CPXM2: variants seen among roughly 807,000 people sequenced by gnomAD.
CPXM2 encodes inactive carboxypeptidase-like protein X2.
CPXM2 carries 66 observed loss-of-function variants against 86.1 expected under a neutral mutation model. That is an observed-to-expected ratio of 0.77 (90% CI 0.63 to 0.94). The LOEUF is 0.94. Among genes scored for constraint, CPXM2 ranks in the 40% least tolerant of loss-of-function variants. CPXM2 has a pLI of 0.00. For synonymous variants in CPXM2, 388 were observed against 400.2 expected, an observed-to-expected ratio of 0.97 and a Z score of 0.36; for missense variants, 948 against 1,026.3, an observed-to-expected ratio of 0.92 and a Z score of 1.04.
chr10:123,907,702 T>C (rs1220169591), intron 2 of CPXM2, among the ~76,000 whole-genome samples: 6 of 151,386 alleles, frequency 4.0e-5, no homozygotes, highest in Admixed American at 3.9e-4. Context: ...CTCCCACAAG[T>C]TCATTCATGT....
chr10:123,923,376 C>T (rs563511686), intron 2 of CPXM2, among the ~76,000 whole-genome samples: 27 of 150,250 alleles, frequency 1.8e-4, no homozygotes, highest in Non-Finnish European at 3.0e-4. Flanking sequence ...GTCAGGAGAT[C>T]GAGACCATCC....
At chr10:123,782,979 AT>A (rs2134033460) in intron 6 of CPXM2, among the ~76,000 whole-genome samples, 1 of 152,350 alleles carries the variant, frequency 6.6e-6, no homozygotes, top group South Asian at 2.1e-4. Flanking sequence ...CTCAGTGCTC[AT>A]TATACACTAA....
At chr10:123,906,114 C>G (rs1399940737) in intron 2 of CPXM2, among the ~76,000 whole-genome samples, 4 of 152,332 alleles carry the variant, frequency 2.6e-5, no homozygotes, top group African/African-American at 9.6e-5. Flanking sequence ...AAGCCTCCCC[C>G]TGTCTGCTCC....
At chr10:123,788,820 T>C (rs1006261309) in intron 6 of CPXM2, among the ~76,000 whole-genome samples, 3 of 147,730 alleles carry the variant, frequency 2.0e-5, no homozygotes, top group Non-Finnish European at 4.4e-5. Flanking sequence ...GCACTAACTA[T>C]CGCCAAAGCG....
chr10:123,789,889 CAG>C (rs1847166589), intron 6 of CPXM2, among the ~76,000 whole-genome samples: 3 of 152,072 alleles, frequency 2.0e-5, no homozygotes, highest in Non-Finnish European at 1.5e-5. Flanking sequence ...GAGGCCGAGG[CAG>C]GCGGATCACG....
At chr10:123,930,086 A>C (rs1242547771) in intron 2 of CPXM2, among the ~76,000 whole-genome samples, 1 of 152,194 alleles carries the variant, frequency 6.6e-6, no homozygotes, top group African/African-American at 2.4e-5. Context: ...CGCAGCCACC[A>C]GCCTGGTCCT....
intron 4 of CPXM2, among the ~76,000 whole-genome samples, chr10:123,828,804 T>C (rs1714708750): frequency 6.6e-6 from 1 of 152,230 alleles, no homozygotes; most frequent in African/African-American, 2.4e-5. Flanking sequence ...GATCTAGGGC[T>C]TGATAAAAGA....
At chr10:123,802,803 C>G (rs1316778488) in intron 4 of CPXM2, among the ~76,000 whole-genome samples, 3 of 152,128 alleles carry the variant, frequency 2.0e-5, no homozygotes, top group African/African-American at 7.2e-5. Flanking sequence ...ATTCCATGCT[C>G]TTATTGACAC....
chr10:123,814,050 G>A (rs1847753173), intron 4 of CPXM2, among the ~76,000 whole-genome samples: 1 of 152,296 alleles, frequency 6.6e-6, no homozygotes, highest in African/African-American at 2.4e-5. Context: ...ATTCTTTTCT[G>A]GGATTTTGGA....
upstream of CPXM2, among the ~76,000 whole-genome samples, chr10:123,896,366 G>A (rs1305338514): frequency 1.3e-5 from 2 of 152,190 alleles, no homozygotes; most frequent in South Asian, 2.1e-4. Flanking sequence ...GAGATACTAA[G>A]TTGTTATGGC....
At chr10:123,934,850 T>C (rs1198122598) in intron 2 of CPXM2, among the ~76,000 whole-genome samples, 5 of 152,140 alleles carry the variant, frequency 3.3e-5, no homozygotes, top group Admixed American at 6.5e-5. Flanking sequence ...TCCCACTAGC[T>C]GTGTTGGATG....
chr10:123,794,592 T>C (rs959502576), intron 6 of CPXM2, among the ~76,000 whole-genome samples: 1 of 152,230 alleles, frequency 6.6e-6, no homozygotes, highest in Admixed American at 6.5e-5. Context: ...TAAAATTTTA[T>C]CTTCAGAAAT....
chr10:123,875,085 G>A (rs1018561997), intron 2 of CPXM2, among the ~76,000 whole-genome samples: 1 of 152,180 alleles, frequency 6.6e-6, no homozygotes, highest in Non-Finnish European at 1.5e-5. Context: ...CATGTCTACT[G>A]TAGGCTACAG....
chr10:123,771,612 T>C (rs1846633343), intron 7 of CPXM2, among the ~76,000 whole-genome samples: 2 of 152,214 alleles, frequency 1.3e-5, no homozygotes, highest in African/African-American at 4.8e-5. Flanking sequence ...ATTTATAAGC[T>C]ACTCAGGTTA....
chr10:123,747,079 C>G, intron 13 of CPXM2, 62 bp from the exon 14 acceptor site: 1 of 1,572,318 alleles, frequency 6.4e-7, no homozygotes, highest in Non-Finnish European at 8.6e-7. Flanking sequence ...TCCCGCCAGC[C>G]CTCCTCCAAG....
At chr10:123,750,330 C>T in intron 13 of CPXM2, 1 of 976,304 alleles carries the variant, frequency 1.0e-6, no homozygotes, top group African/African-American at 1.8e-5. Context: ...GGGCCCCTTC[C>T]ACATCATTGC....
chr10:123,843,835 T>G (rs1949430), intron 3 of CPXM2, among the ~76,000 whole-genome samples: 13 of 152,092 alleles, frequency 8.5e-5, no homozygotes, highest in Non-Finnish European at 1.6e-4. Context: ...CAGAGAAGAA[T>G]AGAACTGCCA....
chr10:123,917,673 A>G (rs1004501912), intron 2 of CPXM2, among the ~76,000 whole-genome samples: 2 of 152,204 alleles, frequency 1.3e-5, no homozygotes, highest in African/African-American at 2.4e-5. Flanking sequence ...TTGATGATTC[A>G]TAGTGCATAA....
chr10:123,803,117 CCTTTTTTTTTTTTT>C (rs1178644675), intron 4 of CPXM2, among the ~76,000 whole-genome samples: 1 of 60,988 alleles, frequency 1.6e-5, no homozygotes, highest in African/African-American at 4.2e-5. Context: ...TTTGTAGTAC[CCTTTTTTTTTTTTT>C]TTTTTTTTTT....
Sources: gnomAD v4.1 joint callset for allele counts (sites outside exome capture counted in the v4.1 genomes callset) on GRCh38, gnomAD v4.1.1 for gene constraint, MANE v1.5 for transcripts, NCBI Gene and HGNC (gene_info 2026-07-23, HGNC 2026-07-21) for gene names.